The following RARG variants were observed in gnomAD, a reference collection of about 807,000 sequenced individuals.
RARG encodes retinoic acid receptor gamma.
RARG carries 17 observed loss-of-function variants against 43.7 expected under a neutral mutation model. The observed-to-expected ratio is 0.39, with a 90% CI of 0.27 to 0.58. The LOEUF (loss-of-function observed/expected upper bound fraction) is 0.58. Ranked by LOEUF, RARG falls within the 20% of genes least tolerant of loss-of-function variation. The probability of loss-of-function intolerance (pLI) is 0.57; values close to 1 mark genes in which losing one functional copy is unlikely to be tolerated. For missense variants in RARG, 346 were observed against 598.7 expected (o/e 0.58, Z 4.40); for synonymous variants, 238 against 236.4 (o/e 1.01, Z -0.06).
Position 53,227,486 on chromosome 12 carries a change from G to T in RARG, c.60C>A (p.Tyr20Ter). The T allele has an allele frequency of 1.9e-6, 3 of 1,608,530 alleles. No homozygotes were observed. The highest frequency in any genetic ancestry group is 2.5e-6 in the Non-Finnish European group (3 of 1,177,866). The change falls in exon 3 of 10, where the codon TAC (tyrosine) becomes TAA (stop). Residue 20 changes from tyrosine to a stop codon, truncating the protein, a stop_gained. Coordinates refer to ENST00000425354, the MANE Select transcript of RARG (RefSeq NM_000966.6). LOFTEE classifies it high-confidence loss of function. The surrounding 1 kb of genome is among the most constrained non-coding windows in gnomAD (Gnocchi z 4.3). ...AAGALGPGSG[Y>*]PGAGFPFAFP... ...AGGCGAAGGGGAAACCTGCCCCTGG[G>T]TAGCCAGATCCAGGCCCCAGGGCAC...
intron 3 of RARG, among the ~76,000 whole-genome samples, chr12:53,222,491 C>A (rs1296668063): frequency 1.3e-5 from 2 of 152,182 alleles, no homozygotes; most frequent in African/African-American, 4.8e-5. Context: ...TTAAGTCAGG[C>A]CTGCCTGGTT....
chr12:53,214,243 G>C lies in RARG; in HGVS notation c.637-8C>G. ...GTGGTCTGCACTGGAGTTCTGCAGA[G>C]GGGAGGGGTAGAAGGTTGGAAGGCA... On this transcript the variant is annotated splice_polypyrimidine_tract_variant and splice_region_variant and intron_variant, in intron 6 of 9. Transcript: ENST00000425354. The C allele has an allele frequency of 6.2e-7, 1 of 1,610,966 alleles. No individual in the cohort carries two copies. Among genetic ancestry groups the C allele is most frequent in the Non-Finnish European group, 8.5e-7 (1 of 1,177,316 alleles).
At chr12:53,219,591 C>CTGGCAGTG (rs1377337296) in intron 3 of RARG, among the ~76,000 whole-genome samples, 1 of 152,238 alleles carries the variant, frequency 6.6e-6, no homozygotes, top group East Asian at 1.9e-4. Flanking sequence ...ACACTGCCAG[C>CTGGCAGTG]TTCCCACATG....
chr12:53,216,841 TGCGCGCGCGCGCGCGCGC>T (rs61199415), intron 3 of RARG, among the ~76,000 whole-genome samples: 4 of 129,382 alleles, frequency 3.1e-5, no homozygotes, highest in South Asian at 2.7e-4. Context: ...TGTGTGTGTG[TGCGCGCGCGCGCGCGCGC>T]GCGTGTGGTT....
intron 3 of RARG, among the ~76,000 whole-genome samples, chr12:53,224,380 CCT>C (rs1469258217): frequency 1.3e-5 from 2 of 152,136 alleles, no homozygotes; most frequent in African/African-American, 2.4e-5. Flanking sequence ...TCAAGGGCCA[CCT>C]CTCTTAGTCT....
At chr12:53,223,654 T>C in intron 3 of RARG, among the ~76,000 whole-genome samples, 1 of 152,170 alleles carries the variant, frequency 6.6e-6, no homozygotes, top group East Asian at 1.9e-4. Flanking sequence ...TGGGGTTTTT[T>C]CCTGGAGGAG....
At chr12:53,230,220 C>G (rs930815675) in intron 2 of RARG, 1 of 152,922 alleles carries the variant, frequency 6.5e-6, no homozygotes, top group Admixed American at 6.5e-5. Flanking sequence ...GATGCCATCT[C>G]AAATGGTGGG....
At chr12:53,231,309 C>A (rs1453340278) in intron 1 of RARG, 74 bp from the exon 2 acceptor site, 1 of 152,316 alleles carries the variant, frequency 6.6e-6, no homozygotes, top group Non-Finnish European at 1.5e-5. Flanking sequence ...TCTTCCTGCT[C>A]TTTCTTTGTT....
In RARG at chr12:53,227,322, T is replaced by C. The variant is rs1194214741; in HGVS notation, c.184+40A>G. 2.7e-6 allele frequency: 4 copies of C among 1,487,430 alleles called. No individual in the cohort carries two copies. The African/African-American group carries it at 4.3e-5, about 16-fold the overall frequency. 92.1% of individuals were successfully genotyped at this position (1,487,430 alleles called of 1,614,324 possible). On this transcript the variant is annotated intron_variant, in intron 3 of 9. Coordinates refer to ENST00000425354, the MANE Select transcript of RARG (RefSeq NM_000966.6). The surrounding 1 kb of genome is among the most constrained non-coding windows in gnomAD (Gnocchi z 4.3). Reference sequence around the variant, plus strand: ...CATCCACCCTCCTGATGCCTTCTTGTTAACATTTGCCTTCATTCCCCAAGA... The same window carrying C: ...CATCCACCCTCCTGATGCCTTCTTGCTAACATTTGCCTTCATTCCCCAAGA...
rs572111662 is a variant in RARG, at chr12:53,212,942, A to G, written c.1177+143T>C. 2.8e-5 allele frequency: 30 copies of G among 1,056,336 alleles called. No homozygotes were observed. The African/African-American group carries it at 4.5e-4, about 16-fold the overall frequency. 65.4% of individuals were successfully genotyped at this position (1,056,336 alleles called of 1,614,324 possible). On this transcript the variant is annotated intron_variant, in intron 9 of 9. Transcript: ENST00000425354. Reference sequence around the variant, plus strand: ...AGAAGCAATTTGCCCAAAGTCTCCCACTACTATGTGGCAGAGCTAGGATTC... The same window carrying G: ...AGAAGCAATTTGCCCAAAGTCTCCCGCTACTATGTGGCAGAGCTAGGATTC...
chr12:53,223,150 AC>A (rs1943018588), intron 3 of RARG, among the ~76,000 whole-genome samples: 1 of 152,130 alleles, frequency 6.6e-6, no homozygotes, highest in Non-Finnish European at 1.5e-5. Flanking sequence ...CTCCTCATGC[AC>A]CCTGCCTTTC....
intron 3 of RARG, among the ~76,000 whole-genome samples, chr12:53,220,716 C>T (rs956360667): frequency 2.0e-5 from 3 of 152,106 alleles, no homozygotes; most frequent in African/African-American, 7.2e-5. Context: ...GTGCCCAGGT[C>T]GGGGTTGGAA....
At position 53,213,373 on chromosome 12, in the gene RARG, G is replaced by T. The variant is rs1195765401; in HGVS notation, c.1018+123C>A. On this transcript the variant is annotated intron_variant, in intron 8 of 9. Transcript: ENST00000425354. The surrounding 1 kb of genome is among the most constrained non-coding windows in gnomAD (Gnocchi z 4.7). ...TTTCAGAACTCTCTGGATGGGGCCAGGTGCAAGAATTACCAGCAGAAGAGA... is the reference window on the plus strand; with the variant it reads ...TTTCAGAACTCTCTGGATGGGGCCATGTGCAAGAATTACCAGCAGAAGAGA... The T allele has an allele frequency of 1.8e-5, 27 of 1,481,538 alleles. No homozygotes were observed. Among genetic ancestry groups the T allele is most frequent in the Non-Finnish European group, 2.2e-5 (24 of 1,075,654 alleles). 91.8% of individuals were successfully genotyped at this position (1,481,538 alleles called of 1,614,324 possible).
At chr12:53,212,802 A>G (rs1273445111) in intron 9 of RARG, among the ~76,000 whole-genome samples, 1 of 152,014 alleles carries the variant, frequency 6.6e-6, no homozygotes, top group African/African-American at 2.4e-5. Flanking sequence ...GTGCTGAATT[A>G]AAAATTCAAT....
intron 3 of RARG, among the ~76,000 whole-genome samples, chr12:53,217,105 C>T (rs1299947043): frequency 6.6e-6 from 1 of 152,122 alleles, no homozygotes; most frequent in African/African-American, 2.4e-5. Flanking sequence ...GGGTTCCACG[C>T]TAGCTCCACC....
chr12:53,220,370 C>T (rs1456668913), intron 3 of RARG: 1 of 1,200,962 alleles, frequency 8.3e-7, no homozygotes, highest in African/African-American at 1.7e-5. Context: ...ACTGGGGAGA[C>T]CTTTTTTAAA....
At chr12:53,228,707 CTCTT>C (rs1209030290) in intron 2 of RARG, among the ~76,000 whole-genome samples, 4 of 151,840 alleles carry the variant, frequency 2.6e-5, no homozygotes, top group Admixed American at 1.3e-4. Context: ...CTCTCTCTCT[CTCTT>C]TTTTTGTTTT....
At position 53,227,479 on chromosome 12, in the gene RARG, C is replaced by T. The variant is rs986000449; in HGVS notation, c.67G>A (p.Ala23Thr). 6.2e-7 allele frequency: 1 copy of T among 1,609,444 alleles called. No homozygotes were observed. Among genetic ancestry groups the T allele is most frequent in the Non-Finnish European group, 8.5e-7 (1 of 1,178,162 alleles). ...ALGPGSGYPG[A>T]GFPFAFPGAL... ...CCTGGGAAGGCGAAGGGGAAACCTG[C>T]CCCTGGGTAGCCAGATCCAGGCCCC... Residue 23 changes from alanine (A) to threonine (T), a missense_variant, in exon 3 of 10, where the codon GCA (alanine) becomes ACA (threonine). Coordinates refer to ENST00000425354, the MANE Select transcript of RARG (RefSeq NM_000966.6). This position sits in a 1 kb window ranked among gnomAD's most constrained non-coding sequence, Gnocchi z 4.3.
Position 53,224,299 on chromosome 12 carries a change from A to G in RARG, c.184+3063T>C, listed in dbSNP as rs377271317. On this transcript the variant is annotated intron_variant, in intron 3 of 9. Transcript: ENST00000425354. ...AGCAAGACTTCACTTCTCAACAAGG[A>G]TGTCCCCAAGGTGCCAGGGACCCAG... Among the ~76,000 whole-genome samples, 29 of 151,624 alleles carry G rather than the reference A, an allele frequency of 1.9e-4. No individual in the cohort carries two copies. In the East Asian group the frequency reaches 2.2e-3, roughly 11 times the overall value.
Sources: allele counts gnomAD v4.1 joint callset (sites outside exome capture counted in the v4.1 genomes callset), GRCh38; gene constraint gnomAD v4.1.1; non-coding constraint Gnocchi (gnomAD v3.1); transcripts MANE v1.5; gene names NCBI Gene and HGNC (gene_info 2026-07-23, HGNC 2026-07-21).